Variants in KTN1 observed in about 807,000 individuals in gnomAD.
The protein encoded by KTN1 is kinectin.
Under a neutral mutation model 222.5 loss-of-function variants are expected in KTN1, and 130 were observed. That is an observed-to-expected ratio of 0.58 (90% CI 0.51 to 0.68). The LOEUF (loss-of-function observed/expected upper bound fraction) is 0.68. Among genes scored for constraint, KTN1 ranks in the 30% least tolerant of loss-of-function variants. The pLI is 0.00. For synonymous variants in KTN1, 512 were observed against 496.3 expected (o/e 1.03, Z -0.42); for missense variants, 1,508 against 1,500.4 (o/e 1.01, Z -0.08).
intron 1 of KTN1, among the ~76,000 whole-genome samples, chr14:55,611,193 T>G (rs1236494398): frequency 1.3e-5 from 2 of 151,704 alleles, no homozygotes; most frequent in African/African-American, 4.9e-5. Flanking sequence ...GCTCAGGTGA[T>G]CCTCTCACCT....
chr14:55,604,590 C>G (rs1302163024), intron 1 of KTN1, among the ~76,000 whole-genome samples: 1 of 152,164 alleles, frequency 6.6e-6, no homozygotes, highest in Non-Finnish European at 1.5e-5. Flanking sequence ...TCATATACTG[C>G]ATACTAATTG....
intron 14 of KTN1, 36 bp downstream of exon 14, chr14:55,640,039 C>T (rs781218121): frequency 7.5e-5 from 93 of 1,234,360 alleles, no homozygotes; most frequent in Non-Finnish European, 1.0e-4. Context: ...CAATATTTTA[C>T]AGAACTGAAA....
intron 1 of KTN1, among the ~76,000 whole-genome samples, chr14:55,585,507 A>G (rs977468272): frequency 6.6e-6 from 1 of 151,656 alleles, no homozygotes; most frequent in Non-Finnish European, 1.5e-5. Flanking sequence ...CCTTTCATAG[A>G]TTGTACTCTA....
At chr14:55,591,581 C>CTTTTTTTTTTTTTTTTT (rs71131297) in intron 1 of KTN1, among the ~76,000 whole-genome samples, 2 of 87,678 alleles carry the variant, frequency 2.3e-5, no homozygotes, top group Non-Finnish European at 4.4e-5. Context: ...TTCTCTCTTT[C>CTTTTTTTTTTTTTTTTT]TTTTTTTTTT....
intron 1 of KTN1, among the ~76,000 whole-genome samples, chr14:55,582,956 C>G (rs946232559): frequency 1.3e-5 from 2 of 152,180 alleles, no homozygotes; most frequent in African/African-American, 4.8e-5. Flanking sequence ...ATCACTCATG[C>G]TCAAAGAGAA....
chr14:55,665,680 C>T (rs2044653283), intron 33 of KTN1, among the ~76,000 whole-genome samples: 1 of 152,094 alleles, frequency 6.6e-6, no homozygotes, highest in Middle Eastern at 3.4e-3. Context: ...GCTAAATACT[C>T]TTGAGGAGCT....
At chr14:55,680,717 G>C in intron 43 of KTN1, 1 of 1,366,110 alleles carries the variant, frequency 7.3e-7, no homozygotes. Flanking sequence ...CTTGACACAT[G>C]CTCTCCTTCA....
At chr14:55,633,893 C>G (rs1184874141) in intron 8 of KTN1, among the ~76,000 whole-genome samples, 1 of 152,122 alleles carries the variant, frequency 6.6e-6, no homozygotes, top group Non-Finnish European at 1.5e-5. Flanking sequence ...AATCCTGGCA[C>G]TTTGGGAGGC....
At chr14:55,587,832 G>C (rs2033334412) in intron 1 of KTN1, among the ~76,000 whole-genome samples, 2 of 152,282 alleles carry the variant, frequency 1.3e-5, no homozygotes, top group South Asian at 4.1e-4. Context: ...TTCTTAAATA[G>C]CTTCCAGTTT....
chr14:55,673,874 T>C, intron 40 of KTN1: 1 of 152,162 alleles, frequency 6.6e-6, no homozygotes, highest in East Asian at 1.9e-4. Context: ...TCTCAAGTTT[T>C]CTAAAAACTG....
chr14:55,613,398 T>C (rs2037880127), intron 2 of KTN1, among the ~76,000 whole-genome samples: 1 of 152,100 alleles, frequency 6.6e-6, no homozygotes, highest in South Asian at 2.1e-4. Flanking sequence ...GGCGTGGCGA[T>C]GTGTGAAACT....
intron 1 of KTN1, among the ~76,000 whole-genome samples, chr14:55,589,840 G>A (rs2033788359): frequency 6.6e-6 from 1 of 151,648 alleles, no homozygotes; most frequent in Non-Finnish European, 1.5e-5. Flanking sequence ...TGTATTTTTA[G>A]TAGAAACGGG....
intron 9 of KTN1, among the ~76,000 whole-genome samples, chr14:55,635,486 G>A (rs2041016722): frequency 6.6e-6 from 1 of 152,134 alleles, no homozygotes; most frequent in South Asian, 2.1e-4. Flanking sequence ...TGTTCCAGTG[G>A]CTTGCACTCG....
At chr14:55,635,786 A>C (rs569334322) in intron 9 of KTN1, among the ~76,000 whole-genome samples, 2 of 152,360 alleles carry the variant, frequency 1.3e-5, no homozygotes, top group African/African-American at 4.8e-5. Context: ...TACCTAGGTC[A>C]TTGATAGAAT....
At chr14:55,609,502 C>T (rs148670050) in intron 1 of KTN1, among the ~76,000 whole-genome samples, 28 of 152,214 alleles carry the variant, frequency 1.8e-4, no homozygotes, top group African/African-American at 5.3e-4. Flanking sequence ...GATTCCTTCA[C>T]GCCTATATAT....
intron 33 of KTN1, among the ~76,000 whole-genome samples, chr14:55,666,459 A>G (rs1163530274): frequency 4.0e-5 from 6 of 148,298 alleles, no homozygotes; most frequent in Admixed American, 4.0e-4. Flanking sequence ...GAAATGTTAC[A>G]TTTTTGTTTT....
At chr14:55,655,959 C>A in intron 28 of KTN1, 83 bp from the exon 29 acceptor site, 1 of 707,732 alleles carries the variant, frequency 1.4e-6, no homozygotes, top group South Asian at 2.1e-5. Flanking sequence ...TTTCTGCCAT[C>A]TTTTTTCTTA....
chr14:55,659,606 C>A, intron 30 of KTN1, 60 bp from the exon 31 acceptor site: 1 of 979,544 alleles, frequency 1.0e-6, no homozygotes, highest in Non-Finnish European at 1.6e-6. Context: ...AGAAAAGCTT[C>A]AATGTTTTTA....
intron 29 of KTN1, among the ~76,000 whole-genome samples, chr14:55,656,935 TTTTG>T (rs1317540132): frequency 2.6e-5 from 4 of 152,228 alleles, no homozygotes; most frequent in African/African-American, 9.6e-5. Flanking sequence ...TATGTAGCTT[TTTTG>T]TTTGTTAAAA....
Sources: allele counts gnomAD v4.1 joint callset (sites outside exome capture counted in the v4.1 genomes callset), GRCh38; gene constraint gnomAD v4.1.1; transcripts MANE v1.5; gene names NCBI Gene and HGNC (gene_info 2026-07-23, HGNC 2026-07-21).